Variants in TAFA2 observed in about 807,000 individuals in gnomAD.
TAFA2 encodes the protein chemokine-like protein TAFA-2.
A neutral mutation model predicts 18.8 loss-of-function variants in TAFA2; 7 were observed. The observed-to-expected ratio is 0.37, with a 90% CI of 0.21 to 0.70. The LOEUF is 0.70. Among genes scored for constraint, TAFA2 ranks in the 30% least tolerant of loss-of-function variants. The pLI is 0.53. For missense variants in TAFA2, 122 were observed against 158.1 expected, an observed-to-expected ratio of 0.77 and a Z score of 1.23; for synonymous variants, 60 against 54.2, an observed-to-expected ratio of 1.11 and a Z score of -0.47.
intron 4 of TAFA2, among the ~76,000 whole-genome samples, chr12:61,730,726 C>A (rs903590164): frequency 5.3e-5 from 8 of 152,066 alleles, no homozygotes; most frequent in Non-Finnish European, 5.9e-5. Flanking sequence ...CCAACACCTA[C>A]ACAGTCAACA....
intron 2 of TAFA2, among the ~76,000 whole-genome samples, chr12:61,820,673 G>C (rs554903723): frequency 1.3e-5 from 2 of 152,088 alleles, no homozygotes; most frequent in African/African-American, 4.8e-5. Flanking sequence ...AGTATTTGAT[G>C]ACTGGATAAA....
intron 1 of TAFA2, among the ~76,000 whole-genome samples, chr12:62,183,494 C>T (rs946416696): frequency 7.9e-5 from 12 of 152,172 alleles, no homozygotes; most frequent in Non-Finnish European, 1.5e-4. Context: ...AGCAAACCTC[C>T]CACCTCAGCC....
intron 1 of TAFA2, among the ~76,000 whole-genome samples, chr12:62,117,857 T>C (rs1415238797): frequency 6.6e-6 from 1 of 152,170 alleles, no homozygotes; most frequent in Non-Finnish European, 1.5e-5. Context: ...TATTCATCTA[T>C]TTTGGGAACT....
Position 61,709,442 on chromosome 12 carries a change from T to G in TAFA2, c.*964A>C, listed in dbSNP as rs111264348. 1 of 152,164 alleles carries G rather than the reference T, an allele frequency of 6.6e-6. No individual in the cohort carries two copies. The highest frequency in any genetic ancestry group is 2.4e-5 in the African/African-American group (1 of 41,542). 9.4% of individuals were successfully genotyped at this position (152,164 alleles called of 1,614,324 possible). On this transcript the variant is annotated 3_prime_UTR_variant, in exon 5 of 5. Transcript: ENST00000416284. Reference sequence around the variant, plus strand: ...TTTTAAAATGAGATAGGACAGTTTTTTAAAAAATACTGGAAGAAATCTAAG... The same window carrying G: ...TTTTAAAATGAGATAGGACAGTTTTGTAAAAAATACTGGAAGAAATCTAAG...
intron 1 of TAFA2, among the ~76,000 whole-genome samples, chr12:62,005,659 G>A (rs1396068703): frequency 6.6e-6 from 1 of 152,038 alleles, no homozygotes; most frequent in East Asian, 1.9e-4. Context: ...GCACCAGAGA[G>A]GATCAATGTT....
rs375304376 is a variant in TAFA2 at position 61,845,266 on chromosome 12, A to C, written c.106+22054T>G. Among the ~76,000 whole-genome samples, 4 of 152,262 alleles carry C rather than the reference A, an allele frequency of 2.6e-5. No homozygotes were observed. The East Asian group carries it at 7.7e-4, about 29-fold the overall frequency. Reference sequence around the variant, plus strand: ...TTCTTTATTATGACACAGGCCATCCAAGAAGACTATTGAACTTTAAATTAT... The same window carrying C: ...TTCTTTATTATGACACAGGCCATCCCAGAAGACTATTGAACTTTAAATTAT... On this transcript the variant is annotated intron_variant, in intron 2 of 4. Coordinates refer to ENST00000416284, the MANE Select transcript of TAFA2 (RefSeq NM_178539.5).
chr12:62,065,858 C>T (rs910972966), intron 1 of TAFA2, among the ~76,000 whole-genome samples: 4 of 151,832 alleles, frequency 2.6e-5, no homozygotes, highest in African/African-American at 9.7e-5. Flanking sequence ...TTTTTACTTG[C>T]ATGTCAGCTG....
chr12:62,152,862 G>A (rs1462643167), intron 1 of TAFA2, among the ~76,000 whole-genome samples: 1 of 152,120 alleles, frequency 6.6e-6, no homozygotes, highest in East Asian at 1.9e-4. Flanking sequence ...CGAATGTGTT[G>A]AGCCCTTGCT....
intron 1 of TAFA2, among the ~76,000 whole-genome samples, chr12:61,882,330 C>T (rs1396550544): frequency 3.3e-5 from 5 of 151,982 alleles, no homozygotes; most frequent in Admixed American, 1.3e-4. Context: ...ACTTTGGCGT[C>T]GGGAGAAAAA....
At chr12:61,815,710 T>C (rs775583661) in intron 2 of TAFA2, among the ~76,000 whole-genome samples, 1 of 150,390 alleles carries the variant, frequency 6.6e-6, no homozygotes, top group Non-Finnish European at 1.5e-5. Flanking sequence ...GGGGGCTCAA[T>C]ATAAAGGTAA....
intron 4 of TAFA2, among the ~76,000 whole-genome samples, chr12:61,737,817 A>AT (rs1292442328): frequency 6.6e-6 from 1 of 152,048 alleles, no homozygotes; most frequent in Non-Finnish European, 1.5e-5. Context: ...TATTTAATAA[A>AT]TAAGGCAGTA....
At chr12:61,951,516 G>A (rs1878466814) in intron 1 of TAFA2, among the ~76,000 whole-genome samples, 1 of 152,054 alleles carries the variant, frequency 6.6e-6, no homozygotes, top group Admixed American at 6.6e-5. Context: ...GTAATTGGAT[G>A]TAAGATGAAA....
chr12:61,988,131 C>G (rs1223213374), intron 1 of TAFA2, among the ~76,000 whole-genome samples: 5 of 152,092 alleles, frequency 3.3e-5, no homozygotes, highest in African/African-American at 1.2e-4. Context: ...GAGCTCCAGA[C>G]AGAACTTAGC....
At chr12:61,964,764 C>T (rs1406606527) in intron 1 of TAFA2, among the ~76,000 whole-genome samples, 3 of 151,886 alleles carry the variant, frequency 2.0e-5, no homozygotes, top group African/African-American at 7.2e-5. Flanking sequence ...CCTTCCTCTA[C>T]CACCTCTTTT....
At chr12:62,081,540 G>A (rs1015181852) in intron 1 of TAFA2, among the ~76,000 whole-genome samples, 6 of 151,788 alleles carry the variant, frequency 4.0e-5, no homozygotes, top group African/African-American at 1.4e-4. Flanking sequence ...GCTGGAGTAC[G>A]GTGGTGCAAT....
chr12:62,132,072 C>CAA (rs34482662), intron 1 of TAFA2, among the ~76,000 whole-genome samples: 137 of 131,256 alleles, frequency 1.0e-3, no homozygotes, highest in Middle Eastern at 4.1e-3. Flanking sequence ...TGAATCAAGT[C>CAA]AAAAAAAAAA....
rs1347713213 is a variant in TAFA2 at position 62,051,197 on chromosome 12, T to C, written c.-2+140062A>G. Among the ~76,000 whole-genome samples, 4 of 152,302 alleles carry C rather than the reference T, an allele frequency of 2.6e-5. No individual in the cohort carries two copies. The East Asian group carries it at 7.7e-4, about 29-fold the overall frequency. On this transcript the variant is annotated intron_variant, in intron 1 of 4. Transcript: ENST00000416284. The stretch of plus-strand genomic sequence containing the variant: ...AGGAGTCTAATTACCACTCTCCCAT[T>C]CATCCATTCAGCAATCTTTGACTAT...
intron 1 of TAFA2, among the ~76,000 whole-genome samples, chr12:61,873,087 A>C (rs576465859): frequency 6.6e-6 from 1 of 152,326 alleles, no homozygotes; most frequent in East Asian, 1.9e-4. Context: ...AGAATGAAGA[A>C]ATAGGTGTAT....
chr12:62,189,940 T>TTGTGTGTGTGTGTGTG (rs10643306), intron 1 of TAFA2, among the ~76,000 whole-genome samples: 75 of 142,022 alleles, frequency 5.3e-4, no homozygotes, highest in African/African-American at 1.5e-3. Context: ...TGAGTTTGCT[T>TTGTGTGTGTGTGTGTG]TGTGTGTGTG....
Sources: allele counts gnomAD v4.1 joint callset (sites outside exome capture counted in the v4.1 genomes callset), GRCh38; gene constraint gnomAD v4.1.1; transcripts MANE v1.5; gene names NCBI Gene and HGNC (gene_info 2026-07-23, HGNC 2026-07-21).